The following ULK4 variants were observed in gnomAD, a reference collection of about 807,000 sequenced individuals.
ULK4 encodes unc-51 like kinase 4.
In ULK4, 133 loss-of-function variants were observed where a neutral mutation model predicts 160.6. The ratio of observed to expected loss-of-function variants is 0.83; its 90% CI spans 0.72 to 0.96. ULK4 has a LOEUF of 0.96. Among genes scored for constraint, ULK4 ranks in the 40% least tolerant of loss-of-function variants. The pLI is 0.00. For missense variants in ULK4, 1,580 were observed against 1,499.5 expected (o/e 1.05, Z -0.89); for synonymous variants, 534 against 539.8 (o/e 0.99, Z 0.15).
Position 41,566,109 on chromosome 3 carries a change from C to G in ULK4, c.3142G>C (p.Gly1048Arg), listed in dbSNP as rs767280666. 1 of 1,612,780 alleles carries G rather than the reference C, an allele frequency of 6.2e-7. No homozygotes were observed. Among genetic ancestry groups the G allele is most frequent in the Non-Finnish European group, 8.5e-7 (1 of 1,179,570 alleles). The change falls in exon 32 of 37, where the codon GGT becomes CGT. Residue 1048 changes from glycine (G) to arginine (R), a missense_variant. By Grantham distance (125) the Gly-to-Arg change is moderately radical. Coordinates refer to ENST00000301831, the MANE Select transcript of ULK4 (RefSeq NM_017886.4). ...VTLEHQESIL[G>R]NTMQSVIALL... ...GCAATCACACTTTGCATGGTATTAC[C>G]CAGAATGCTCTCCTGATGTTCCTGC...
At chr3:41,806,338 T>C (rs912249516) in intron 19 of ULK4, among the ~76,000 whole-genome samples, 3 of 152,140 alleles carry the variant, frequency 2.0e-5, no homozygotes, top group African/African-American at 7.2e-5. Flanking sequence ...ATATCCCCTT[T>C]ATCACTTTTT....
At chr3:41,610,478 T>A (rs935992301) in intron 31 of ULK4, among the ~76,000 whole-genome samples, 3 of 152,222 alleles carry the variant, frequency 2.0e-5, no homozygotes, top group Non-Finnish European at 4.4e-5. Flanking sequence ...GAGTTACAAG[T>A]AGAGTGGAGC....
At chr3:41,735,934 A>T (rs1246349041) in intron 22 of ULK4, among the ~76,000 whole-genome samples, 1 of 144,510 alleles carries the variant, frequency 6.9e-6, no homozygotes, top group Non-Finnish European at 1.5e-5. Flanking sequence ...GAGTGAGAAT[A>T]TGCGGTGTTT....
In ULK4 at chr3:41,835,885, C is replaced by T; in HGVS notation, c.1743G>A (p.Leu581=). The T allele has an allele frequency of 6.2e-7, 1 of 1,611,860 alleles. No homozygotes were observed. Among genetic ancestry groups the T allele is most frequent in the Non-Finnish European group, 8.5e-7 (1 of 1,178,798 alleles). The change falls in exon 18 of 37, where the codon CTG becomes CTA. Residue 581 remains leucine (L), a synonymous_variant. Coordinates refer to ENST00000301831, the MANE Select transcript of ULK4 (RefSeq NM_017886.4). Reference sequence around the variant, plus strand: ...TCACCTGGGTGGCTACAAGATAGATCAGCTCCCCAAGGGTTGGTAAAAGGC... The same window carrying T: ...TCACCTGGGTGGCTACAAGATAGATTAGCTCCCCAAGGGTTGGTAAAAGGC... The part of the protein sequence containing the change: ...KQCLLPTLGE[L]IYLVATQEEK...
At chr3:41,621,325 G>T (rs2033235750) in intron 30 of ULK4, among the ~76,000 whole-genome samples, 1 of 152,098 alleles carries the variant, frequency 6.6e-6, no homozygotes, top group African/African-American at 2.4e-5. Context: ...TAAGCAAAAA[G>T]AACAAAGCTG....
chr3:41,557,270 C>T (rs1253469675), intron 32 of ULK4, among the ~76,000 whole-genome samples: 3 of 151,940 alleles, frequency 2.0e-5, no homozygotes, highest in African/African-American at 7.2e-5. Context: ...ACATCTACCC[C>T]ACTCTATTTG....
At chr3:41,616,719 A>G (rs1286409682) in intron 30 of ULK4, among the ~76,000 whole-genome samples, 1 of 152,202 alleles carries the variant, frequency 6.6e-6, no homozygotes, top group Admixed American at 6.5e-5. Context: ...GGCATTCACC[A>G]AGCTAGCAGT....
chr3:41,737,416 TATC>T (rs2038092883), intron 22 of ULK4, among the ~76,000 whole-genome samples: 1 of 151,912 alleles, frequency 6.6e-6, no homozygotes, highest in East Asian at 1.9e-4. Context: ...GAAGAATCAA[TATC>T]ATGAAAATGG....
At chr3:41,573,345 A>G (rs1184741295) in intron 31 of ULK4, among the ~76,000 whole-genome samples, 1 of 152,216 alleles carries the variant, frequency 6.6e-6, no homozygotes, top group African/African-American at 2.4e-5. Context: ...AAAAATGACC[A>G]GCCTTTCCAA....
intron 18 of ULK4, among the ~76,000 whole-genome samples, chr3:41,824,600 C>G (rs916444085): frequency 1.3e-5 from 2 of 152,152 alleles, no homozygotes; most frequent in Admixed American, 6.5e-5. Context: ...AACTGCAAGG[C>G]AGCAGCGATG....
intron 33 of ULK4, among the ~76,000 whole-genome samples, chr3:41,456,629 G>A (rs2083560821): frequency 6.6e-6 from 1 of 152,178 alleles, no homozygotes; most frequent in African/African-American, 2.4e-5. Flanking sequence ...CTATCATAGA[G>A]ATGAATAATT....
intron 32 of ULK4, among the ~76,000 whole-genome samples, chr3:41,514,161 A>G (rs2085676467): frequency 6.6e-6 from 1 of 152,168 alleles, no homozygotes; most frequent in Admixed American, 6.5e-5. Context: ...AGGAAGAGGT[A>G]GATTTTGCTT....
At chr3:41,794,632 G>T (rs1284900275) in intron 20 of ULK4, among the ~76,000 whole-genome samples, 1 of 104,600 alleles carries the variant, frequency 9.6e-6, no homozygotes, top group Non-Finnish European at 1.8e-5. Context: ...CTGCACTCCA[G>T]CCTGGGTGAC....
At chr3:41,624,341 A>C (rs115752785) in intron 30 of ULK4, among the ~76,000 whole-genome samples, 126 of 152,348 alleles carry the variant, frequency 8.3e-4, no homozygotes, top group African/African-American at 3.0e-3. Context: ...GAAGAACATA[A>C]ATGCCACGAC....
chr3:41,701,988 G>C lies in ULK4; in HGVS notation c.2781+3069C>G, dbSNP rs533443236. 4.6e-5 allele frequency among the ~76,000 whole-genome samples: 7 copies of C among 152,124 alleles called. No homozygotes were observed. In the South Asian group the frequency reaches 1.5e-3, roughly 32 times the overall value. On this transcript the variant is annotated intron_variant, in intron 27 of 36. Transcript: ENST00000301831. ...AAAATGTCAATAAAACAAGAAAGTGGAAGTAGGTAAGAAGAAAATAATGTA... is the reference window on the plus strand; with the variant it reads ...AAAATGTCAATAAAACAAGAAAGTGCAAGTAGGTAAGAAGAAAATAATGTA...
chr3:41,452,292 G>C (rs2083441337), intron 34 of ULK4, among the ~76,000 whole-genome samples: 2 of 152,266 alleles, frequency 1.3e-5, no homozygotes, highest in Admixed American at 1.3e-4. Context: ...GCTCCATCCA[G>C]GGATTTTTCA....
chr3:41,675,216 G>T (rs972468740), intron 29 of ULK4, among the ~76,000 whole-genome samples: 17 of 151,944 alleles, frequency 1.1e-4, no homozygotes, highest in African/African-American at 4.1e-4. Context: ...CTCCAGCCTG[G>T]CGACAAAGCA....
intron 32 of ULK4, among the ~76,000 whole-genome samples, chr3:41,560,178 A>T (rs2643985): frequency 0.49 from 75,053 of 151,804 alleles, 18,727 homozygotes; most frequent in Middle Eastern, 0.58. Flanking sequence ...GTTGTAGATG[A>T]GTGGTGTTAT....
intron 35 of ULK4, among the ~76,000 whole-genome samples, chr3:41,389,693 GAAC>G (rs1375724348): frequency 2.0e-5 from 3 of 152,106 alleles, no homozygotes; most frequent in Admixed American, 2.0e-4. Flanking sequence ...TGCCTATGTT[GAAC>G]CAGCCTTGCA....
Sources: allele counts gnomAD v4.1 joint callset (sites outside exome capture counted in the v4.1 genomes callset), GRCh38; gene constraint gnomAD v4.1.1; transcripts MANE v1.5; gene names NCBI Gene and HGNC (gene_info 2026-07-23, HGNC 2026-07-21).